PCCA: variants seen among roughly 807,000 people sequenced by gnomAD.
The protein encoded by PCCA is propionyl-CoA carboxylase alpha chain, mitochondrial.
Under a neutral mutation model 101.3 loss-of-function variants are expected in PCCA, and 74 were observed. That is an observed-to-expected ratio of 0.73 (90% CI 0.61 to 0.89). The LOEUF (loss-of-function observed/expected upper bound fraction) is 0.89. Among genes scored for constraint, PCCA ranks in the 40% least tolerant of loss-of-function variants. The pLI is 0.00. For missense variants in PCCA, 891 were observed against 907.0 expected, an observed-to-expected ratio of 0.98 and a Z score of 0.23; for synonymous variants, 294 against 313.6, an observed-to-expected ratio of 0.94 and a Z score of 0.66.
At chr13:100,496,934 T>C (rs886718234) in intron 21 of PCCA, among the ~76,000 whole-genome samples, 1 of 152,206 alleles carries the variant, frequency 6.6e-6, no homozygotes, top group Non-Finnish European at 1.5e-5. Context: ...GTCGCTACAG[T>C]GGCTGGCAGC....
chr13:100,504,904 G>C (rs747429571), intron 21 of PCCA, among the ~76,000 whole-genome samples: 1 of 151,976 alleles, frequency 6.6e-6, no homozygotes, highest in Non-Finnish European at 1.5e-5. Context: ...CTGCACTCCA[G>C]CCTGGGTGAC....
chr13:100,525,502 G>C (rs760163041), intron 22 of PCCA, among the ~76,000 whole-genome samples: 20 of 152,252 alleles, frequency 1.3e-4, no homozygotes, highest in Non-Finnish European at 2.4e-4. Flanking sequence ...GCGGGGCCCA[G>C]AGTAGAGCTG....
At chr13:100,165,140 A>G (rs1017531451) in intron 6 of PCCA, among the ~76,000 whole-genome samples, 5 of 152,196 alleles carry the variant, frequency 3.3e-5, no homozygotes, top group Admixed American at 1.3e-4. Flanking sequence ...ACACTGGTGT[A>G]TAAGTATCTG....
intron 19 of PCCA, among the ~76,000 whole-genome samples, chr13:100,407,387 A>G (rs895176301): frequency 2.0e-5 from 3 of 152,264 alleles, no homozygotes; most frequent in African/African-American, 7.2e-5. Context: ...TAAACGTTCA[A>G]GGTTTAAATA....
rs2760309 is a variant in PCCA, at chr13:100,416,190, G to T, written c.1747-9443G>T. ...TTCTTGAAATAGGACATAAATCATG[G>T]TTTTTTTTTTTTTTCTGAGACGGAG... is the stretch of plus-strand genomic sequence containing the variant. On this transcript the variant is annotated intron_variant, in intron 19 of 23. Coordinates refer to ENST00000376285, the MANE Select transcript of PCCA (RefSeq NM_000282.4). Among the ~76,000 whole-genome samples, 1,225 of 144,770 alleles carry T rather than the reference G, an allele frequency of 8.5e-3. 20 individuals carry two copies. The highest frequency in any genetic ancestry group is 0.029 in the African/African-American group (1,153 of 40,188). The allele number at this position is 144,770 out of a possible 152,430, so 95.0% of individuals were successfully genotyped here.
At chr13:100,524,412 T>TGTGTGTGTGTG (rs59438858) in intron 22 of PCCA, among the ~76,000 whole-genome samples, 48 of 148,992 alleles carry the variant, frequency 3.2e-4, no homozygotes, top group South Asian at 6.4e-4. Context: ...TGTGTGTGTG[T>TGTGTGTGTGTG]TGGGGTAGAA....
intron 19 of PCCA, among the ~76,000 whole-genome samples, chr13:100,410,966 A>G (rs980308305): frequency 6.6e-6 from 1 of 152,242 alleles, no homozygotes; most frequent in Non-Finnish European, 1.5e-5. Context: ...TTAGTTAGCC[A>G]GATAATGTGA....
intron 19 of PCCA, among the ~76,000 whole-genome samples, chr13:100,402,979 G>C (rs2077456969): frequency 6.6e-6 from 1 of 151,990 alleles, no homozygotes. Context: ...AGAAGACCCA[G>C]AGGACCATGT....
intron 21 of PCCA, among the ~76,000 whole-genome samples, chr13:100,512,410 G>A (rs2086550828): frequency 6.6e-6 from 1 of 152,188 alleles, no homozygotes; most frequent in African/African-American, 2.4e-5. Context: ...TGTGGGTTGA[G>A]GAGTCCCACC....
intron 18 of PCCA, among the ~76,000 whole-genome samples, chr13:100,362,166 C>T (rs1177784500): frequency 6.6e-5 from 10 of 152,052 alleles, no homozygotes; most frequent in Non-Finnish European, 1.5e-4. Context: ...TCTTGTGAAG[C>T]TCAGAACAGG....
At chr13:100,524,942 G>C (rs1430894883) in intron 22 of PCCA, among the ~76,000 whole-genome samples, 2 of 151,636 alleles carry the variant, frequency 1.3e-5, no homozygotes, top group Non-Finnish European at 2.9e-5. Flanking sequence ...AAATAGATTA[G>C]ATAGGATAGA....
At chr13:100,365,827 TATAC>T (rs139963052) in intron 18 of PCCA, among the ~76,000 whole-genome samples, 2,895 of 152,292 alleles carry the variant, frequency 0.019, 93 homozygotes, top group African/African-American at 0.067. Flanking sequence ...TACAATCTTT[TATAC>T]ATACATAAGG....
intron 6 of PCCA, among the ~76,000 whole-genome samples, chr13:100,199,636 C>CT (rs1298639358): frequency 6.6e-6 from 1 of 151,930 alleles, no homozygotes; most frequent in Non-Finnish European, 1.5e-5. Flanking sequence ...CTTTTTAGCT[C>CT]TTTTTAAGAT....
chr13:100,176,233 C>G (rs1311122172), intron 6 of PCCA, among the ~76,000 whole-genome samples: 1 of 152,048 alleles, frequency 6.6e-6, no homozygotes. Context: ...AGACAGGACT[C>G]TGAAATTGTG....
chr13:100,326,751 A>T (rs2068735526), intron 16 of PCCA, among the ~76,000 whole-genome samples: 1 of 152,048 alleles, frequency 6.6e-6, no homozygotes, highest in Non-Finnish European at 1.5e-5. Flanking sequence ...CTTCCACTTG[A>T]TGAATAGTAA....
intron 20 of PCCA, among the ~76,000 whole-genome samples, chr13:100,428,822 G>A (rs1005013624): frequency 3.9e-5 from 6 of 152,086 alleles, no homozygotes; most frequent in African/African-American, 1.4e-4. Flanking sequence ...CTGAGGAGTG[G>A]TGTGCCCCAG....
intron 4 of PCCA, among the ~76,000 whole-genome samples, chr13:100,138,977 T>C (rs1249286771): frequency 1.3e-5 from 2 of 151,772 alleles, no homozygotes; most frequent in South Asian, 2.1e-4. Context: ...AAAATGTCTT[T>C]ATTTCGCCTT....
intron 21 of PCCA, among the ~76,000 whole-genome samples, chr13:100,462,033 G>A (rs1451145006): frequency 6.6e-6 from 1 of 152,104 alleles, no homozygotes; most frequent in Non-Finnish European, 1.5e-5. Flanking sequence ...TTGTGGAGGG[G>A]TGATGAAGTT....
chr13:100,201,247 G>A (rs554331304), intron 6 of PCCA, among the ~76,000 whole-genome samples: 5 of 152,030 alleles, frequency 3.3e-5, no homozygotes, highest in Admixed American at 6.6e-5. Flanking sequence ...AGTAAATCCC[G>A]ACTCTTTTTG....
Sources: allele counts gnomAD v4.1 joint callset (sites outside exome capture counted in the v4.1 genomes callset), GRCh38; gene constraint gnomAD v4.1.1; transcripts MANE v1.5; gene names NCBI Gene and HGNC (gene_info 2026-07-23, HGNC 2026-07-21).